The following MED23 variants were observed in gnomAD, a reference collection of about 807,000 sequenced individuals.
MED23 encodes the protein mediator of RNA polymerase II transcription subunit 23.
A neutral mutation model predicts 163.9 loss-of-function variants in MED23; 105 were observed. That is an observed-to-expected ratio of 0.64 (90% CI 0.55 to 0.75). The LOEUF (loss-of-function observed/expected upper bound fraction) is 0.75. Ranked by LOEUF, MED23 falls within the 30% of genes least tolerant of loss-of-function variation. MED23 has a pLI of 0.00. For synonymous variants in MED23, 561 were observed against 565.6 expected, an observed-to-expected ratio of 0.99 and a Z score of 0.12; for missense variants, 1,054 against 1,649.0, an observed-to-expected ratio of 0.64 and a Z score of 6.25.
In MED23 at chr6:131,606,568, G is replaced by A. The variant is rs142439912; in HGVS notation, c.1278C>T (p.Thr426=). The A allele has an allele frequency of 6.2e-7, 1 of 1,613,166 alleles. No homozygotes were observed. Among genetic ancestry groups the A allele is most frequent in the Non-Finnish European group, 8.5e-7 (1 of 1,179,284 alleles). The change falls in exon 13 of 29, where the codon ACC becomes ACT. Residue 426 remains threonine, a synonymous_variant. Coordinates refer to ENST00000368068, the MANE Select transcript of MED23 (RefSeq NM_004830.4). ...KPQSTHAFAM[T]CIWIHLNRKA... is the part of the protein sequence containing the mutation. ...TTCTATTGAGATGAATCCAAATACA[G>A]GTCATTGCAAAGGCATGGGTTGACT... is the stretch of plus-strand genomic sequence containing the variant.
In MED23 at chr6:131,579,344, A is replaced by G. The variant is rs371203992; in HGVS notation, c.4096-5049T>C. On this transcript the variant is annotated intron_variant, in intron 30 of 30. Transcript: ENST00000354577. Reference sequence around the variant, plus strand: ...GCACAAAGGAAGTAACCAAGGCCATAAGAAGAGAGAAAATTTAGAAATATA... The same window carrying G: ...GCACAAAGGAAGTAACCAAGGCCATGAGAAGAGAGAAAATTTAGAAATATA... 128 of 1,576,738 alleles carry G rather than the reference A, an allele frequency of 8.1e-5. 2 individuals are homozygous for G. In the East Asian group the frequency reaches 1.3e-3, roughly 16 times the overall value.
intron 20 of MED23, 22 bp from the exon 21 acceptor site, chr6:131,596,710 T>G: frequency 6.2e-7 from 1 of 1,611,654 alleles, no homozygotes; most frequent in Non-Finnish European, 8.5e-7. Flanking sequence ...AACAGAAAAA[T>G]TATATGAAAA....
intron 15 of MED23, among the ~76,000 whole-genome samples, chr6:131,603,630 T>C (rs1243250219): frequency 6.6e-6 from 1 of 152,192 alleles, no homozygotes; most frequent in African/African-American, 2.4e-5. Context: ...CAACAATCAG[T>C]TATCTAAGAA....
At chr6:131,606,940 T>A (rs1384044871) in intron 12 of MED23, among the ~76,000 whole-genome samples, 1 of 152,048 alleles carries the variant, frequency 6.6e-6, no homozygotes, top group Non-Finnish European at 1.5e-5. Flanking sequence ...TTTAAAAAAT[T>A]AAAACACATC....
chr6:131,605,413 T>C lies in MED23; in HGVS notation c.1440A>G (p.Ala480=), dbSNP rs202205411. 4 of 1,612,338 alleles carry C rather than the reference T, an allele frequency of 2.5e-6. No homozygotes were observed. The highest frequency in any genetic ancestry group is 1.7e-4 in the Middle Eastern group (1 of 6,052). The change falls in exon 14 of 29, where the codon GCA becomes GCG. Residue 480 remains alanine (A), a synonymous_variant. Coordinates refer to ENST00000368068, the MANE Select transcript of MED23 (RefSeq NM_004830.4). ...NDYKIALLCN[A]YSTNSECFTL... ...TAAAACATTCTGAATTTGTAGAGTA[T>C]GCATTACACAATAGAGCAATCTTAT...
At chr6:131,593,253 T>G in intron 23 of MED23, 82 bp from the exon 24 acceptor site, 1 of 1,537,450 alleles carries the variant, frequency 6.5e-7, no homozygotes, top group Non-Finnish European at 9.0e-7. Context: ...AAGAAGTGAT[T>G]TGTCTACGCT....
chr6:131,589,097 G>A (rs979631905), intron 28 of MED23, among the ~76,000 whole-genome samples: 14 of 152,094 alleles, frequency 9.2e-5, no homozygotes, highest in Non-Finnish European at 1.9e-4. Context: ...GTCACCATGA[G>A]TGTCAGGAGA....
chr6:131,583,009 C>T (rs757133426), downstream of MED23: 60 of 1,313,856 alleles, frequency 4.6e-5, no homozygotes, highest in Middle Eastern at 1.8e-4. Flanking sequence ...AGGAGACAGG[C>T]GGGCACAGTC....
At chr6:131,623,779 C>G (rs1480812634) in intron 4 of MED23, among the ~76,000 whole-genome samples, 1 of 152,124 alleles carries the variant, frequency 6.6e-6, no homozygotes, top group East Asian at 1.9e-4. Flanking sequence ...CCTGAGGCCT[C>G]CCTAGCCATG....
chr6:131,596,203 T>G (rs1282315152), intron 21 of MED23, 40 bp from the exon 22 acceptor site: 3 of 1,574,724 alleles, frequency 1.9e-6, no homozygotes, highest in Admixed American at 3.3e-5. Flanking sequence ...AGAGCATTTT[T>G]TAAAAAATTC....
intron 13 of MED23, 113 bp downstream of exon 13, chr6:131,606,366 A>G (rs548879218): frequency 9.5e-7 from 1 of 1,052,998 alleles, no homozygotes; most frequent in African/African-American, 1.6e-5. Context: ...GCCCTTACCT[A>G]TAGTGGGTAT....
chr6:131,619,792 G>A (rs770501718), intron 8 of MED23, 35 bp downstream of exon 8: 1 of 1,430,984 alleles, frequency 7.0e-7, no homozygotes, highest in Non-Finnish European at 9.9e-7. Flanking sequence ...CTAAAAATCA[G>A]GTACTATTTG....
chr6:131,596,749 C>T, intron 20 of MED23, 61 bp from the exon 21 acceptor site: 2 of 1,458,158 alleles, frequency 1.4e-6, no homozygotes, highest in South Asian at 1.2e-5. Flanking sequence ...TCATGAGGGC[C>T]ATCTGAAAGC....
chr6:131,614,814 C>CT (rs1428388509), intron 10 of MED23, among the ~76,000 whole-genome samples: 2 of 152,016 alleles, frequency 1.3e-5, no homozygotes, highest in African/African-American at 4.8e-5. Flanking sequence ...CCTTTTTTCT[C>CT]TTTTTTGTGT....
At chr6:131,584,371 C>T (rs879734165), downstream of MED23, 71 of 152,712 alleles carry the variant, frequency 4.6e-4, 1 homozygote, top group African/African-American at 1.8e-3. Flanking sequence ...GCAACACACA[C>T]ACACACACAC....
chr6:131,583,554 T>G (rs891232444), downstream of MED23: 2 of 1,469,484 alleles, frequency 1.4e-6, no homozygotes, highest in Non-Finnish European at 1.8e-6. Context: ...TATTTATACC[T>G]CCTTGACCTG....
intron 2 of MED23, 67 bp downstream of exon 2, chr6:131,627,574 G>A (rs1777605173): frequency 1.3e-6 from 2 of 1,595,424 alleles, no homozygotes; most frequent in Non-Finnish European, 1.7e-6. Flanking sequence ...CTTCCAACAC[G>A]AAACTAAGTA....
chr6:131,606,720 T>C, intron 12 of MED23, 96 bp from the exon 13 acceptor site: 1 of 1,080,928 alleles, frequency 9.3e-7, no homozygotes, highest in Admixed American at 2.0e-5. Context: ...TATAACTCTT[T>C]TTAGCATATC....
At chr6:131,622,199 T>C (rs1455111261) in intron 5 of MED23, among the ~76,000 whole-genome samples, 1 of 152,200 alleles carries the variant, frequency 6.6e-6, no homozygotes, top group Admixed American at 6.5e-5. Context: ...AGAAAGTCAT[T>C]ATACAGTTTG....
Sources: allele counts gnomAD v4.1 joint callset (sites outside exome capture counted in the v4.1 genomes callset), GRCh38; gene constraint gnomAD v4.1.1; transcripts MANE v1.5; gene names NCBI Gene and HGNC (gene_info 2026-07-23, HGNC 2026-07-21).